SMARCA2: variants seen among roughly 807,000 people sequenced by gnomAD.
SMARCA2 encodes the protein SWI/SNF-related matrix-associated actin-dependent regulator of chromatin subfamily A member 2.
SMARCA2 carries 61 observed loss-of-function variants against 199.8 expected under a neutral mutation model. The observed-to-expected ratio is 0.31, with a 90% CI of 0.25 to 0.38. The LOEUF is 0.38. SMARCA2 is among the 10% of genes least tolerant of loss of function. SMARCA2 has a pLI of 1.00. For missense variants in SMARCA2, 1,344 were observed against 2,012.2 expected, an observed-to-expected ratio of 0.67 and a Z score of 6.35; for synonymous variants, 935 against 732.0, an observed-to-expected ratio of 1.28 and a Z score of -4.48.
intron 17 of SMARCA2, among the ~76,000 whole-genome samples, chr9:2,085,411 C>G (rs1223065102): frequency 6.6e-6 from 1 of 152,060 alleles, no homozygotes; most frequent in African/African-American, 2.4e-5. Flanking sequence ...TAATTTTGTC[C>G]AAGTGGAAGA....
rs1736706288 is a variant in SMARCA2 at position 2,115,495 on chromosome 9, T to C, written c.3457-327T>C. On this transcript the variant is annotated intron_variant, in intron 24 of 33. Coordinates refer to ENST00000349721, the MANE Select transcript of SMARCA2 (RefSeq NM_003070.5). The surrounding 1 kb of genome is among the most constrained non-coding windows in gnomAD (Gnocchi z 6.0). ...TGTTATGTAAGTCATAATTCTGACA[T>C]TGGACATTGGTGTCTTGTTTAATGT... is the stretch of plus-strand genomic sequence containing the variant. Among the ~76,000 whole-genome samples the C allele has an allele frequency of 1.3e-5, 2 of 152,342 alleles. No homozygotes were observed. Among genetic ancestry groups the C allele is most frequent in the East Asian group, 1.9e-4 (1 of 5,184 alleles).
At chr9:2,092,520 C>T (rs955781603) in intron 19 of SMARCA2, among the ~76,000 whole-genome samples, 4 of 152,032 alleles carry the variant, frequency 2.6e-5, no homozygotes, top group African/African-American at 9.7e-5. Flanking sequence ...TTTATTATTC[C>T]AATAAAACAT....
intron 9 of SMARCA2, among the ~76,000 whole-genome samples, chr9:2,064,950 C>T (rs566024708): frequency 9.2e-5 from 14 of 152,136 alleles, no homozygotes; most frequent in Admixed American, 2.0e-4. Context: ...TTTGGGAGGC[C>T]GAGGCGGGCG....
chr9:2,192,198 G>GT (rs2130016009), intron 33 of SMARCA2: 1 of 179,604 alleles, frequency 5.6e-6, no homozygotes, highest in South Asian at 1.3e-4. Context: ...CCAGAGGATG[G>GT]TTTCCTGGCA....
intron 5 of SMARCA2, among the ~76,000 whole-genome samples, chr9:2,054,176 C>T (rs1426502171): frequency 6.6e-6 from 1 of 152,200 alleles, no homozygotes; most frequent in Non-Finnish European, 1.5e-5. Context: ...GTCTGGTTGC[C>T]TTAGGACAGA....
intron 19 of SMARCA2, among the ~76,000 whole-genome samples, chr9:2,093,209 A>G (rs533855319): frequency 6.6e-6 from 1 of 152,352 alleles, no homozygotes; most frequent in South Asian, 2.1e-4. Flanking sequence ...TGAATGATCC[A>G]GGCATTCAGG....
chr9:2,158,890 T>C (rs1322407653), intron 27 of SMARCA2: 12 of 1,585,524 alleles, frequency 7.6e-6, no homozygotes, highest in Non-Finnish European at 1.0e-5. Context: ...GCACTGCATA[T>C]GGATGTGTTT....
At chr9:2,144,233 A>G (rs970405311) in intron 27 of SMARCA2, among the ~76,000 whole-genome samples, 4 of 152,138 alleles carry the variant, frequency 2.6e-5, no homozygotes, top group African/African-American at 9.7e-5. Flanking sequence ...TGCATTCCTC[A>G]GTCTTCTTTT....
At chr9:2,171,337 A>G (rs1783820923) in intron 29 of SMARCA2, among the ~76,000 whole-genome samples, 1 of 152,180 alleles carries the variant, frequency 6.6e-6, no homozygotes, top group African/African-American at 2.4e-5. Flanking sequence ...TTCCACCAGC[A>G]TAGGATCCAA....
intron 27 of SMARCA2, among the ~76,000 whole-genome samples, chr9:2,133,175 C>T (rs1365736449): frequency 1.3e-5 from 2 of 152,150 alleles, no homozygotes. Context: ...TTCACATTAT[C>T]TTTTAATGGA....
chr9:2,073,761 T>C, intron 12 of SMARCA2, 138 bp downstream of exon 12: 1 of 658,374 alleles, frequency 1.5e-6, no homozygotes, highest in Non-Finnish European at 2.7e-6. Context: ...CAGCTGGGGC[T>C]AAGGATTTAC....
chr9:2,161,817 T>G lies in SMARCA2; in HGVS notation c.4113T>G (p.Pro1371=), dbSNP rs1189007737. The G allele has an allele frequency of 1.2e-6, 2 of 1,613,930 alleles. No individual in the cohort carries two copies. The highest frequency in any genetic ancestry group is 2.2e-5 in the East Asian group (1 of 44,890). The change falls in exon 28 of 34, where the codon CCT becomes CCG. Residue 1371 remains proline (P), a synonymous_variant. Transcript: ENST00000349721. The surrounding 1 kb of genome is among the most constrained non-coding windows in gnomAD (Gnocchi z 4.7). The part of the protein sequence containing the change: ...VEKAKKRRGR[P]PAEKLSPNPP... ...AAGCTAAGAAGAGAAGAGGCCGCCC[T>G]CCCGCTGAGAAACTGTCACCAAATC... is the stretch of plus-strand genomic sequence containing the variant.
intron 30 of SMARCA2, 90 bp from the exon 31 acceptor site, chr9:2,182,049 CAA>C (rs748467195): frequency 3.4e-6 from 3 of 881,594 alleles, no homozygotes; most frequent in Non-Finnish European, 1.9e-6. Context: ...GCTGTGAAGA[CAA>C]AGGGAAAATC....
intron 28 of SMARCA2, among the ~76,000 whole-genome samples, chr9:2,167,252 T>C (rs972700087): frequency 1.3e-5 from 2 of 152,266 alleles, no homozygotes; most frequent in Non-Finnish European, 2.9e-5. Flanking sequence ...CTATCAACTC[T>C]CTTATCAGGA....
rs1212146216 is a variant in SMARCA2 at position 2,192,815 on chromosome 9, G to A, written c.*76G>A. The A allele has an allele frequency of 2.8e-6, 3 of 1,053,706 alleles. No homozygotes were observed. Among genetic ancestry groups the A allele is most frequent in the Non-Finnish European group, 1.5e-6 (1 of 672,972 alleles). 65.3% of individuals were successfully genotyped at this position (1,053,706 alleles called of 1,614,324 possible). The stretch of plus-strand genomic sequence containing the variant: ...TCATTTCTACCCAGTGAGTTCATTT[G>A]TCATATAGGCACTGGGTTGTTTCTA... On this transcript the variant is annotated 3_prime_UTR_variant, in exon 34 of 34. Coordinates refer to ENST00000349721, the MANE Select transcript of SMARCA2 (RefSeq NM_003070.5).
chr9:2,034,170 G>A (rs1422464184), intron 3 of SMARCA2, among the ~76,000 whole-genome samples: 1 of 151,168 alleles, frequency 6.6e-6, no homozygotes, highest in African/African-American at 2.4e-5. Flanking sequence ...GCTTGAACCC[G>A]GGGGCAGAGG....
intron 27 of SMARCA2, among the ~76,000 whole-genome samples, chr9:2,137,868 T>C (rs985076213): frequency 6.6e-6 from 1 of 152,228 alleles, no homozygotes; most frequent in East Asian, 1.9e-4. Flanking sequence ...AGTAGAATCA[T>C]GTTTTTGTAA....
intron 4 of SMARCA2, chr9:2,046,173 TA>T (rs890608169): frequency 2.6e-5 from 4 of 152,288 alleles, no homozygotes; most frequent in South Asian, 2.1e-4. Context: ...GAGATTCTTT[TA>T]AAAAAATTTA....
chr9:2,032,298 G>C (rs935771884), intron 2 of SMARCA2, among the ~76,000 whole-genome samples: 1 of 152,154 alleles, frequency 6.6e-6, no homozygotes, highest in Non-Finnish European at 1.5e-5. Flanking sequence ...TTGCATGTCT[G>C]TCACGTATTA....
Sources: allele counts gnomAD v4.1 joint callset (sites outside exome capture counted in the v4.1 genomes callset), GRCh38; gene constraint gnomAD v4.1.1; non-coding constraint Gnocchi (gnomAD v3.1); transcripts MANE v1.5; gene names NCBI Gene and HGNC (gene_info 2026-07-23, HGNC 2026-07-21).